ZMYM2: variants seen among roughly 807,000 people sequenced by gnomAD.
ZMYM2 encodes the protein zinc finger MYM-type containing 2.
Under a neutral mutation model 162.8 loss-of-function variants are expected in ZMYM2, and 56 were observed. That is an observed-to-expected ratio of 0.34 (90% CI 0.28 to 0.43). ZMYM2 has a LOEUF of 0.43. ZMYM2 is among the 20% of genes least tolerant of loss of function. ZMYM2 has a pLI of 1.00. For missense variants in ZMYM2, 1,275 were observed against 1,621.8 expected (o/e 0.79, Z 3.67); for synonymous variants, 510 against 541.6 (o/e 0.94, Z 0.81).
chr13:19,995,689 T>A (rs1325630876), intron 3 of ZMYM2, among the ~76,000 whole-genome samples: 1 of 152,204 alleles, frequency 6.6e-6, no homozygotes, highest in Non-Finnish European at 1.5e-5. Flanking sequence ...CCCCACCTTT[T>A]TTTTTGAAGG....
At chr13:20,036,268 GTT>G (rs11390219) in intron 11 of ZMYM2, among the ~76,000 whole-genome samples, 1 of 149,494 alleles carries the variant, frequency 6.7e-6, no homozygotes, top group Non-Finnish European at 1.5e-5. Context: ...CAATAAATCT[GTT>G]TTTTTTTCTG....
At chr13:19,919,747 A>G in the ZMYM2 span, among the ~76,000 whole-genome samples, 1 of 149,206 alleles carries the variant, frequency 6.7e-6, no homozygotes, top group Non-Finnish European at 1.5e-5. Context: ...GTGCGATCTC[A>G]GCTCACTGCA....
At chr13:19,925,836 A>G in the ZMYM2 span, among the ~76,000 whole-genome samples, 1 of 148,250 alleles carries the variant, frequency 6.7e-6, no homozygotes, top group African/African-American at 2.5e-5. Flanking sequence ...GTGCCTCTGC[A>G]CTCCAACCCA....
chr13:20,058,431 T>C (rs6490511), intron 14 of ZMYM2, 144 bp from the exon 15 acceptor site: 923,732 of 932,120 alleles, frequency 0.99, 458,147 homozygotes, highest in East Asian at 1. Flanking sequence ...AAGAGTATGG[T>C]GAACATAGGG....
At position 20,088,512 on chromosome 13, in the gene ZMYM2, T is replaced by G. The variant is rs1210783969; in HGVS notation, c.*2498T>G. 2 of 199,442 alleles carry G rather than the reference T, an allele frequency of 1.0e-5. No individual in the cohort carries two copies. The highest frequency in any genetic ancestry group is 2.1e-5 in the Non-Finnish European group (2 of 96,556). The allele number at this position is 199,442 out of a possible 1,614,324, so 12.4% of individuals were successfully genotyped here. On this transcript the variant is annotated 3_prime_UTR_variant, in exon 25 of 25. Coordinates refer to ENST00000610343, the MANE Select transcript of ZMYM2 (RefSeq NM_197968.4). ...TCCAGTGAAAAATATTTATCCACAT[T>G]GAAGAAAGTGGATTTCCCATGCAAA... is the stretch of plus-strand genomic sequence containing the variant.
the ZMYM2 span, among the ~76,000 whole-genome samples, chr13:19,893,918 C>T: frequency 6.6e-6 from 1 of 151,800 alleles, no homozygotes; most frequent in Non-Finnish European, 1.5e-5. Context: ...GTCCTACAGG[C>T]ACACACCACC....
At chr13:19,938,702 C>G in the ZMYM2 span, among the ~76,000 whole-genome samples, 19 of 151,504 alleles carry the variant, frequency 1.3e-4, no homozygotes, top group Non-Finnish European at 2.4e-4. Context: ...GTTAGGGAAG[C>G]AGAGAGATCC....
At chr13:20,066,679 T>G (rs1956703630) in intron 19 of ZMYM2, 172 bp from the exon 20 acceptor site, 1 of 499,912 alleles carries the variant, frequency 2.0e-6, no homozygotes, top group Admixed American at 4.0e-5. Flanking sequence ...AGAAGGAGGT[T>G]GGAGAGGCAG....
intron 2 of ZMYM2, among the ~76,000 whole-genome samples, chr13:19,972,460 T>C (rs1039923300): frequency 1.3e-5 from 2 of 152,188 alleles, no homozygotes; most frequent in African/African-American, 4.8e-5. Flanking sequence ...TAAATATCTT[T>C]TTGCAATTTT....
the ZMYM2 span, among the ~76,000 whole-genome samples, chr13:19,867,214 G>C: frequency 6.6e-6 from 1 of 152,116 alleles, no homozygotes; most frequent in Non-Finnish European, 1.5e-5. Context: ...TTAGCCAGGC[G>C]TGGTGGCACA....
At chr13:19,881,376 C>T in the ZMYM2 span, among the ~76,000 whole-genome samples, 1 of 151,908 alleles carries the variant, frequency 6.6e-6, no homozygotes, top group African/African-American at 2.4e-5. Context: ...AATCCCAGCA[C>T]TCTGGGAGGC....
At position 20,052,259 on chromosome 13, in the gene ZMYM2, T is replaced by C. The variant is rs1380809172; in HGVS notation, c.2459-18T>C. The stretch of plus-strand genomic sequence containing the variant: ...GAAAGAGTATTTGTCTTATTTTAAA[T>C]TTTTTTGTGTTTTTTAGATCAGGGT... On this transcript the variant is annotated intron_variant, in intron 13 of 24. Transcript: ENST00000610343. 3 of 1,543,098 alleles carry C rather than the reference T, an allele frequency of 1.9e-6. No homozygotes were observed. The highest frequency in any genetic ancestry group is 1.7e-4 in the Middle Eastern group (1 of 5,970).
At chr13:20,018,386 A>G (rs987573940) in intron 6 of ZMYM2, among the ~76,000 whole-genome samples, 5 of 152,202 alleles carry the variant, frequency 3.3e-5, no homozygotes, top group Non-Finnish European at 5.9e-5. Context: ...AAGAGACCCA[A>G]TTGGATGTGT....
At chr13:20,042,391 T>C (rs945928706) in intron 12 of ZMYM2, among the ~76,000 whole-genome samples, 1 of 152,100 alleles carries the variant, frequency 6.6e-6, no homozygotes, top group Non-Finnish European at 1.5e-5. Flanking sequence ...TCGTAGTGTG[T>C]TTTTCAGCTC....
chr13:20,008,578 A>G (rs945815743), intron 6 of ZMYM2, among the ~76,000 whole-genome samples: 4 of 152,262 alleles, frequency 2.6e-5, no homozygotes, highest in Non-Finnish European at 5.9e-5. Flanking sequence ...TGGCACTGCC[A>G]TATTAGTAGA....
intron 8 of ZMYM2, 43 bp from the exon 9 acceptor site, chr13:20,027,160 A>T: frequency 7.0e-7 from 1 of 1,424,126 alleles, no homozygotes; most frequent in Admixed American, 2.8e-5. Context: ...AAACTTTTTT[A>T]TTACTTTATA....
chr13:20,047,573 C>T (rs941411881), intron 12 of ZMYM2, among the ~76,000 whole-genome samples: 2 of 152,120 alleles, frequency 1.3e-5, no homozygotes, highest in African/African-American at 4.8e-5. Context: ...GTAGTACACA[C>T]ACATTGTATT....
the ZMYM2 span, among the ~76,000 whole-genome samples, chr13:19,953,120 C>G: frequency 2.0e-5 from 3 of 152,152 alleles, no homozygotes; most frequent in African/African-American, 7.2e-5. Flanking sequence ...TGATATTGGA[C>G]TTCCCTGCCT....
chr13:20,007,739 G>A (rs541848018), intron 6 of ZMYM2, among the ~76,000 whole-genome samples: 5 of 151,048 alleles, frequency 3.3e-5, no homozygotes, highest in Non-Finnish European at 7.4e-5. Flanking sequence ...TCCTGCCTCA[G>A]CCTCCTGAGT....
Sources: allele counts gnomAD v4.1 joint callset (sites outside exome capture counted in the v4.1 genomes callset), GRCh38; gene constraint gnomAD v4.1.1; transcripts MANE v1.5; gene names NCBI Gene and HGNC (gene_info 2026-07-23, HGNC 2026-07-21).